RSPH4A: variants seen among roughly 807,000 people sequenced by gnomAD.
RSPH4A encodes radial spoke head component 4A, also known as radial spoke head protein 4 homolog A.
RSPH4A carries 47 observed loss-of-function variants against 71.0 expected under a neutral mutation model. The ratio of observed to expected loss-of-function variants is 0.66; its 90% CI spans 0.52 to 0.84. The LOEUF (loss-of-function observed/expected upper bound fraction) is 0.84, where lower values mean the gene tolerates loss of function less well. RSPH4A is among the 40% of genes least tolerant of loss of function. RSPH4A has a pLI of 0.00. For missense variants in RSPH4A, 793 were observed against 855.2 expected, an observed-to-expected ratio of 0.93 and a Z score of 0.91; for synonymous variants, 282 against 302.3, an observed-to-expected ratio of 0.93 and a Z score of 0.70.
intron 1 of RSPH4A, among the ~76,000 whole-genome samples, chr6:116,617,806 C>A (rs1193243219): frequency 1.3e-5 from 2 of 152,142 alleles, no homozygotes; most frequent in Non-Finnish European, 2.9e-5. Context: ...TAAGAAACCC[C>A]TTAGTCCTCG....
rs377399412 is a variant in RSPH4A, at chr6:116,627,602, T to G, written c.922-27T>G. 1.2e-5 allele frequency: 19 copies of G among 1,561,966 alleles called. No individual in the cohort carries two copies. In the African/African-American group the frequency reaches 1.2e-4, roughly 10 times the overall value. On this transcript the variant is annotated intron_variant, in intron 2 of 5. Coordinates refer to ENST00000229554, the MANE Select transcript of RSPH4A (RefSeq NM_001010892.3). The stretch of plus-strand genomic sequence containing the variant: ...AGCAAGCATTTGTCTTATTGATAAA[T>G]TTTAACCACAGCATTTGTTTCCCCA...
chr6:116,624,358 G>A (rs1043474862), intron 2 of RSPH4A, among the ~76,000 whole-genome samples: 5 of 152,200 alleles, frequency 3.3e-5, no homozygotes, highest in African/African-American at 9.7e-5. Flanking sequence ...AGATAGGCAG[G>A]CATTCTCATA....
intron 1 of RSPH4A, among the ~76,000 whole-genome samples, chr6:116,617,512 CT>C (rs61166013): frequency 2.0e-3 from 283 of 141,658 alleles, no homozygotes; most frequent in Middle Eastern, 3.7e-3. Context: ...TTTTCTTAAC[CT>C]TTTTTTTTTT....
At chr6:116,629,226 T>G (rs1373081814) in intron 3 of RSPH4A, among the ~76,000 whole-genome samples, 3 of 152,212 alleles carry the variant, frequency 2.0e-5, no homozygotes, top group African/African-American at 7.2e-5. Flanking sequence ...ATAATCATCA[T>G]AATAGCTTTA....
intron 5 of RSPH4A, 32 bp from the exon 6 acceptor site, chr6:116,632,175 T>A (rs368043169): frequency 5.2e-4 from 780 of 1,490,108 alleles, no homozygotes; most frequent in Middle Eastern, 9.4e-4. Context: ...TATATAATGA[T>A]CTTTTTTTCT....
chr6:116,631,625 C>T (rs1775805837), intron 5 of RSPH4A, among the ~76,000 whole-genome samples: 1 of 152,154 alleles, frequency 6.6e-6, no homozygotes, highest in South Asian at 2.1e-4. Flanking sequence ...GATAAAGAGA[C>T]CTAGGAACGG....
chr6:116,616,500 TCA>T lies in RSPH4A; in HGVS notation c.-121_-120del. ...TGCTATGGAGATAGGACGCAGCAAC[TCA>T]CAGAGCAACCAGGACCCAGAAATCG... On this transcript the variant is annotated 5_prime_UTR_variant, in exon 1 of 6. It removes the in-frame stop codon of an upstream open reading frame in the 5' UTR. Transcript: ENST00000229554. 1.2e-6 allele frequency: 1 copy of T among 862,468 alleles called. No homozygotes were observed. The highest frequency in any genetic ancestry group is 1.9e-6 in the Non-Finnish European group (1 of 528,254). The allele number at this position is 862,468 out of a possible 1,614,324, so 53.4% of individuals were successfully genotyped here. A position where few individuals can be genotyped will look rare whatever the true frequency, so the allele number is the denominator to read the frequency against.
intron 1 of RSPH4A, 87 bp downstream of exon 1, chr6:116,617,396 G>T: frequency 1.1e-6 from 1 of 908,784 alleles, no homozygotes; most frequent in South Asian, 1.6e-5. Flanking sequence ...TTCTGTGGGT[G>T]AATCAAAATA....
chr6:116,622,271 T>A (rs1775622903), intron 1 of RSPH4A, among the ~76,000 whole-genome samples: 1 of 152,114 alleles, frequency 6.6e-6, no homozygotes, highest in African/African-American at 2.4e-5. Flanking sequence ...AAATTGGATT[T>A]GGTGAGCGGA....
chr6:116,629,713 G>GCTGCCCT lies in RSPH4A; in HGVS notation c.1798+11_1798+12insCTGCCCT. 1 of 1,601,840 alleles carries GCTGCCCT rather than the reference G, an allele frequency of 6.2e-7. No individual in the cohort carries two copies. Among genetic ancestry groups the GCTGCCCT allele is most frequent in the Admixed American group, 1.7e-5 (1 of 60,002 alleles). Reference sequence around the variant, plus strand: ...TCTCTGAAGATTTAGGTTATTTTACGTAACTATTATCACACACAGACACAC... The same window carrying GCTGCCCT: ...TCTCTGAAGATTTAGGTTATTTTACGCTGCCCTTAACTATTATCACACACAGACACAC... On this transcript the variant is annotated intron_variant, in intron 4 of 5. Coordinates refer to ENST00000229554, the MANE Select transcript of RSPH4A (RefSeq NM_001010892.3).
chr6:116,625,929 T>G (rs868235886), intron 2 of RSPH4A, among the ~76,000 whole-genome samples: 1 of 152,044 alleles, frequency 6.6e-6, no homozygotes, highest in African/African-American at 2.4e-5. Context: ...AAAGTCAGAG[T>G]TAGAGAAACT....
chr6:116,629,706 A>G lies in RSPH4A; in HGVS notation c.1798+4A>G. 6.2e-7 allele frequency: 1 copy of G among 1,606,688 alleles called. No homozygotes were observed. Among genetic ancestry groups the G allele is most frequent in the South Asian group, 1.1e-5 (1 of 90,870 alleles). ...ACACCAATCTCTGAAGATTTAGGTT[A>G]TTTTACGTAACTATTATCACACACA... On this transcript the variant is annotated splice_donor_region_variant and intron_variant, in intron 4 of 5. Coordinates refer to ENST00000229554, the MANE Select transcript of RSPH4A (RefSeq NM_001010892.3).
chr6:116,628,471 C>T (rs2115362902), intron 3 of RSPH4A, 102 bp downstream of exon 3: 1 of 899,908 alleles, frequency 1.1e-6, no homozygotes, highest in Non-Finnish European at 1.8e-6. Context: ...CCTTTGGACT[C>T]TATTTAATAG....
chr6:116,620,070 T>G (rs1775576659), intron 1 of RSPH4A, among the ~76,000 whole-genome samples: 1 of 152,244 alleles, frequency 6.6e-6, no homozygotes, highest in Admixed American at 6.5e-5. Context: ...GAATGTAATT[T>G]GCTACTCCAT....
At chr6:116,631,867 A>G (rs1429257773) in intron 5 of RSPH4A, among the ~76,000 whole-genome samples, 1 of 152,146 alleles carries the variant, frequency 6.6e-6, no homozygotes, top group Non-Finnish European at 1.5e-5. Flanking sequence ...AGCTATTTTT[A>G]TATCTTTCTA....
intron 2 of RSPH4A, among the ~76,000 whole-genome samples, chr6:116,623,986 T>C (rs1347861132): frequency 6.6e-6 from 1 of 152,226 alleles, no homozygotes; most frequent in African/African-American, 2.4e-5. Flanking sequence ...GTATTGGCTA[T>C]TCTGTTTCCT....
chr6:116,621,201 G>A (rs1003361403), intron 1 of RSPH4A, among the ~76,000 whole-genome samples: 1 of 152,070 alleles, frequency 6.6e-6, no homozygotes, highest in Non-Finnish European at 1.5e-5. Flanking sequence ...GAAGCTTGAT[G>A]AAGTTTTAAA....
intron 5 of RSPH4A, among the ~76,000 whole-genome samples, chr6:116,631,989 A>G (rs917096874): frequency 6.6e-6 from 1 of 150,480 alleles, no homozygotes; most frequent in African/African-American, 2.4e-5. Context: ...ATCTGGCCCC[A>G]TGGTTTTTTT....
chr6:116,632,632 A>T lies in RSPH4A; in HGVS notation c.*191A>T, dbSNP rs145502202. 5.5e-4 allele frequency: 372 copies of T among 677,328 alleles called. No individual in the cohort carries two copies. In the African/African-American group the frequency reaches 6.4e-3, roughly 12 times the overall value. 42.0% of individuals were successfully genotyped at this position (677,328 alleles called of 1,614,324 possible). On this transcript the variant is annotated 3_prime_UTR_variant, in exon 6 of 6. Transcript: ENST00000229554. ...TAGAAATATTAGCATTTTTATTGAA[A>T]GATACTCACAGGATTTTCCAGAGGC...
Sources: gnomAD v4.1 joint callset for allele counts (sites outside exome capture counted in the v4.1 genomes callset) on GRCh38, gnomAD v4.1.1 for gene constraint, MANE v1.5 for transcripts, NCBI Gene and HGNC (gene_info 2026-07-23, HGNC 2026-07-21) for gene names.